The following TAB2 variants were observed in gnomAD, a reference collection of about 807,000 sequenced individuals.
TAB2 encodes the protein TGF-beta activated kinase 1 (MAP3K7) binding protein 2.
In TAB2, 3 loss-of-function variants were observed where a neutral mutation model predicts 65.0. The ratio of observed to expected loss-of-function variants is 0.05; its 90% CI spans 0.02 to 0.12. The LOEUF (loss-of-function observed/expected upper bound fraction) is 0.12. TAB2 is among the 10% of genes least tolerant of loss of function. The probability of loss-of-function intolerance (pLI) is 1.00; values close to 1 mark genes in which losing one functional copy is unlikely to be tolerated. For missense variants in TAB2, 623 were observed against 840.3 expected (o/e 0.74, Z 3.20); for synonymous variants, 298 against 285.1 (o/e 1.05, Z -0.46).
chr6:149,399,191 G>T lies in TAB2; in HGVS notation c.1939+7G>T, dbSNP rs750435176. ...GTGCCACCAAAACCCAAAGGTTAGTGTATCCATTAAATGTGAAAACTGTTA... is the reference window on the plus strand; with the variant it reads ...GTGCCACCAAAACCCAAAGGTTAGTTTATCCATTAAATGTGAAAACTGTTA... On this transcript the variant is annotated splice_region_variant and intron_variant, in intron 6 of 6. Coordinates refer to ENST00000637181, the MANE Select transcript of TAB2 (RefSeq NM_001292034.3). 6.2e-7 allele frequency: 1 copy of T among 1,612,356 alleles called. No homozygotes were observed.
intron 2 of TAB2, among the ~76,000 whole-genome samples, chr6:149,373,267 GTTTT>G (rs1289866281): frequency 2.6e-4 from 39 of 152,164 alleles, no homozygotes; most frequent in Non-Finnish European, 2.8e-4. Context: ...ATTTTTTACC[GTTTT>G]TAAATTCTCT....
upstream of TAB2, among the ~76,000 whole-genome samples, chr6:149,315,449 T>G (rs372572562): frequency 6.6e-6 from 1 of 152,250 alleles, no homozygotes; most frequent in Non-Finnish European, 1.5e-5. Flanking sequence ...ACATATATCA[T>G]GTTCTTTTAC....
intron 3 of TAB2, among the ~76,000 whole-genome samples, chr6:149,389,073 A>C (rs1781897055): frequency 6.7e-6 from 1 of 149,738 alleles, no homozygotes; most frequent in East Asian, 2.0e-4. Flanking sequence ...CCCCTGCCTC[A>C]GCCTCCCCAG....
chr6:149,275,285 AAAG>A (rs1778446736), intron 1 of TAB2, among the ~76,000 whole-genome samples: 2 of 150,490 alleles, frequency 1.3e-5, no homozygotes, highest in Middle Eastern at 3.4e-3. Flanking sequence ...AGAAAGAAAG[AAAG>A]AAAGAAAGAA....
At chr6:149,274,121 G>A (rs986569211) in intron 1 of TAB2, among the ~76,000 whole-genome samples, 1 of 152,232 alleles carries the variant, frequency 6.6e-6, no homozygotes, top group Non-Finnish European at 1.5e-5. Context: ...TAACTCAAAA[G>A]TGTGGTGGAA....
At chr6:149,384,076 AAAAAG>A (rs1259219938) in intron 3 of TAB2, among the ~76,000 whole-genome samples, 1 of 152,182 alleles carries the variant, frequency 6.6e-6, no homozygotes, top group African/African-American at 2.4e-5. Flanking sequence ...TATGGGTAAG[AAAAAG>A]AAAAGAAATA....
chr6:149,308,058 T>A lies in TAB2; in HGVS notation c.-120-69960T>A, dbSNP rs898493533. 6.1e-4 allele frequency among the ~76,000 whole-genome samples: 93 copies of A among 152,240 alleles called. 1 individual carries two copies. The highest frequency in any genetic ancestry group is 3.4e-4 in the Non-Finnish European group (23 of 68,036). ...GTCAATGTATATAGATCTACATTCT[T>A]TTTAACCACTACATCTTATTTTATT... On this transcript the variant is annotated intron_variant, in intron 1 of 1. Coordinates refer to the TAB2 transcript ENST00000606202.
chr6:149,355,667 CAAAA>C, intron 1 of TAB2, among the ~76,000 whole-genome samples: 1 of 121,600 alleles, frequency 8.2e-6, no homozygotes. Flanking sequence ...AACTCCATCT[CAAAA>C]AAAAAAAAAA....
In TAB2 at chr6:149,403,321, C is replaced by T. The variant is rs13216680; in HGVS notation, c.1939+4137C>T. Among the ~76,000 whole-genome samples the T allele has an allele frequency of 3.8e-3, 251 of 65,560 alleles. 8 individuals are homozygous for T. The highest frequency in any genetic ancestry group is 0.014 in the African/African-American group (237 of 17,086). 43.0% of individuals were successfully genotyped at this position (65,560 alleles called of 152,430 possible). A position where few individuals can be genotyped will look rare whatever the true frequency, so the allele number is the denominator to read the frequency against. ...ATATATATATATATATATACACACACATATATATACATATATATACACACA... is the reference window on the plus strand; with the variant it reads ...ATATATATATATATATATACACACATATATATATACATATATATACACACA... On this transcript the variant is annotated intron_variant, in intron 6 of 6. Coordinates refer to ENST00000637181, the MANE Select transcript of TAB2 (RefSeq NM_001292034.3).
chr6:149,357,223 C>A (rs1780681493), intron 1 of TAB2, among the ~76,000 whole-genome samples: 4 of 152,024 alleles, frequency 2.6e-5, no homozygotes, highest in Admixed American at 2.6e-4. Flanking sequence ...CGAGAGCAGC[C>A]TGGCCAATAT....
intron 1 of TAB2, among the ~76,000 whole-genome samples, chr6:149,271,486 C>T (rs1389587023): frequency 2.6e-5 from 4 of 152,186 alleles, no homozygotes; most frequent in Non-Finnish European, 5.9e-5. Flanking sequence ...AATTCACTCT[C>T]ACTTTATCTG....
intron 1 of TAB2, among the ~76,000 whole-genome samples, chr6:149,345,180 G>GT (rs542072564): frequency 4.0e-5 from 6 of 150,920 alleles, no homozygotes; most frequent in East Asian, 3.9e-4. Context: ...TAGCCTTTAG[G>GT]TAAAAAAAAA....
At chr6:149,238,188 CG>C (rs1777535348) in intron 1 of TAB2, among the ~76,000 whole-genome samples, 1 of 152,146 alleles carries the variant, frequency 6.6e-6, no homozygotes, top group African/African-American at 2.4e-5. Context: ...GCCCAGTCTG[CG>C]TGTCCAGTGA....
chr6:149,319,392 T>C lies in TAB2; in HGVS notation c.-90+1377T>C, dbSNP rs557522272. ...TTTGAAACTGTAAATTTTGAAACCA[T>C]GGCAGTTTGTAATAAAGGAAGACTT... On this transcript the variant is annotated intron_variant, in intron 1 of 6. Transcript: ENST00000637181. Among the ~76,000 whole-genome samples the C allele has an allele frequency of 3.1e-4, 47 of 152,240 alleles. 2 individuals carry two copies.
chr6:149,357,397 T>C (rs1780688439), intron 1 of TAB2, among the ~76,000 whole-genome samples: 1 of 119,878 alleles, frequency 8.3e-6, no homozygotes, highest in Non-Finnish European at 1.7e-5. Context: ...GCCTGGGCAA[T>C]AGAGGGAGAC....
At chr6:149,262,350 TG>T (rs1778171291) in intron 1 of TAB2, among the ~76,000 whole-genome samples, 1 of 152,108 alleles carries the variant, frequency 6.6e-6, no homozygotes, top group Admixed American at 6.6e-5. Flanking sequence ...CTGGCCAACA[TG>T]GTGAAACCCC....
intron 1 of TAB2, among the ~76,000 whole-genome samples, chr6:149,282,912 C>T (rs1157479153): frequency 1.3e-5 from 2 of 152,210 alleles, no homozygotes; most frequent in Non-Finnish European, 2.9e-5. Flanking sequence ...CATCACAAAA[C>T]AGCATTCTTA....
chr6:149,229,418 G>T (rs200669359), intron 1 of TAB2, among the ~76,000 whole-genome samples: 10 of 134,074 alleles, frequency 7.5e-5, no homozygotes, highest in Admixed American at 4.5e-4. Context: ...GTGTGTGTGT[G>T]TTTGTGTGTG....
In TAB2 at chr6:149,262,866, C is replaced by T. The variant is rs1305749101; in HGVS notation, c.-121+44090C>T. 3.3e-5 allele frequency among the ~76,000 whole-genome samples: 5 copies of T among 151,918 alleles called. No individual in the cohort carries two copies. The East Asian group carries it at 7.7e-4, about 23-fold the overall frequency. On this transcript the variant is annotated intron_variant, in intron 1 of 1. Transcript: ENST00000606202. ...TCACCCAGACTGGAGTGCTGTGGCA[C>T]GATTGTAGCTTACTGTGACCTCAAA...
Sources: allele counts gnomAD v4.1 joint callset (sites outside exome capture counted in the v4.1 genomes callset), GRCh38; gene constraint gnomAD v4.1.1; transcripts MANE v1.5; gene names NCBI Gene and HGNC (gene_info 2026-07-23, HGNC 2026-07-21).